Variants in AVPR1B observed in about 807,000 individuals in gnomAD.
The protein encoded by AVPR1B is vasopressin V1b receptor.
Under a neutral mutation model 27.5 loss-of-function variants are expected in AVPR1B, and 25 were observed. The ratio of observed to expected loss-of-function variants is 0.91; its 90% CI spans 0.66 to 1.27. The LOEUF (loss-of-function observed/expected upper bound fraction) is 1.27. Ranked by LOEUF, AVPR1B falls within the 50% of genes most tolerant of loss-of-function variation. The pLI is 0.00. For synonymous variants in AVPR1B, 248 were observed against 240.2 expected, an observed-to-expected ratio of 1.03 and a Z score of -0.30; for missense variants, 595 against 556.9, an observed-to-expected ratio of 1.07 and a Z score of -0.69.
intron 1 of AVPR1B, among the ~76,000 whole-genome samples, chr1:206,111,526 G>T (rs182761346): frequency 6.6e-6 from 1 of 152,342 alleles, no homozygotes; most frequent in East Asian, 1.9e-4. Context: ...AGGAACCTTA[G>T]AAGTAAGCTT....
In AVPR1B at chr1:206,115,935, C is replaced by T; in HGVS notation, c.940+16G>A. On this transcript the variant is annotated intron_variant, in intron 1 of 1. Transcript: ENST00000367126. ...TGTCTCTCCCACCTCACTGCCCCCA[C>T]ATAGACCCCACTTGCCTTCATCAGG... is the stretch of plus-strand genomic sequence containing the variant. 1 of 1,579,432 alleles carries T rather than the reference C, an allele frequency of 6.3e-7. No homozygotes were observed. The highest frequency in any genetic ancestry group is 8.6e-7 in the Non-Finnish European group (1 of 1,158,912).
In AVPR1B at chr1:206,110,462, G is replaced by A. The variant is rs1663356464; in HGVS notation, c.1002C>T (p.Asn334=). 3.1e-6 allele frequency: 5 copies of A among 1,613,938 alleles called. No individual in the cohort carries two copies. In the African/African-American group the frequency reaches 6.7e-5, roughly 22 times the overall value. ...TGTTGAAGCCCATGTAGATCCAGGG[G>A]TTGCAGCAGCTGTTGAGGTTGCCCA... The part of the protein sequence containing the change: ...MLLGNLNSCC[N]PWIYMGFNSH... Residue 334 remains asparagine, a synonymous_variant, in exon 2 of 2, where the codon AAC becomes AAT. Transcript: ENST00000367126.
chr1:206,106,965 G>A lies in AVPR1B; in HGVS notation c.*3224C>T, dbSNP rs1024172944. ...CTGGATATTAAATCTTTTTATTGGTGAATTTCAACCTGGGTTTCTGACCCA... is the reference window on the plus strand; with the variant it reads ...CTGGATATTAAATCTTTTTATTGGTAAATTTCAACCTGGGTTTCTGACCCA... On this transcript the variant is annotated 3_prime_UTR_variant, in exon 2 of 2. Coordinates refer to ENST00000367126, the MANE Select transcript of AVPR1B (RefSeq NM_000707.5). Among the ~76,000 whole-genome samples the A allele has an allele frequency of 6.6e-6, 1 of 152,224 alleles. No individual in the cohort carries two copies. Among genetic ancestry groups the A allele is most frequent in the Non-Finnish European group, 1.5e-5 (1 of 68,042 alleles).
In AVPR1B at chr1:206,110,278, T is replaced by A. The variant is rs537310937; in HGVS notation, c.1186A>T (p.Thr396Ser). Residue 396 changes from threonine (T) to serine (S), a missense_variant, in exon 2 of 2, where the codon ACC becomes TCC. Coordinates refer to ENST00000367126, the MANE Select transcript of AVPR1B (RefSeq NM_000707.5). ...PATLSLSLSL[T>S]LSGRPRPEES... ...TCAGGCCTGGGCCTCCCACTGAGGG[T>A]TAGGCTGAGGCTGAGGCTGAGGGTG... The A allele has an allele frequency of 6.2e-7, 1 of 1,613,914 alleles. No homozygotes were observed. The highest frequency in any genetic ancestry group is 8.5e-7 in the Non-Finnish European group (1 of 1,179,986).
In AVPR1B at chr1:206,109,715, A is replaced by AAC. The variant is rs1326621137; in HGVS notation, c.*472_*473dup. 2.5e-5 allele frequency: 4 copies of AAC among 160,704 alleles called. No individual in the cohort carries two copies. Among genetic ancestry groups the AAC allele is most frequent in the African/African-American group, 9.6e-5 (4 of 41,588 alleles). The allele number at this position is 160,704 out of a possible 1,614,324, so 10.0% of individuals were successfully genotyped here. A position where few individuals can be genotyped will look rare whatever the true frequency, so the allele number is the denominator to read the frequency against. The stretch of plus-strand genomic sequence containing the variant: ...TTTTCTCTCTAACAACAACAACAAC[A>AAC]ACAACAAATCCAGGATCCAAATAGA... On this transcript the variant is annotated 3_prime_UTR_variant, in exon 2 of 2. Transcript: ENST00000367126.
rs1663489490 is a variant in AVPR1B at position 206,116,870 on chromosome 1, C to G, written c.21G>C (p.Trp7Cys). Reference protein sequence around the residue: MDSGPLWDANPTPRGTL... With the variant: MDSGPLCDANPTPRGTL... ...TGCCCCGAGGGGTGGGGTTGGCATC[C>G]CACAGAGGCCCAGAATCCATGAGCA... is the stretch of plus-strand genomic sequence containing the variant. Residue 7 changes from tryptophan to cysteine, a missense_variant, in exon 1 of 2, where the codon TGG becomes TGC. Transcript: ENST00000367126. The G allele has an allele frequency of 6.2e-7, 1 of 1,611,830 alleles. No individual in the cohort carries two copies. Among genetic ancestry groups the G allele is most frequent in the South Asian group, 1.1e-5 (1 of 90,802 alleles).
In AVPR1B at chr1:206,116,178, C is replaced by A. The variant is rs41302231; in HGVS notation, c.713G>T (p.Arg238Leu). The A allele has an allele frequency of 1.4e-5, 23 of 1,613,884 alleles. No homozygotes were observed. The South Asian group carries it at 2.5e-4, about 18-fold the overall frequency. ...KNLKVKTQAWRVGGGGWRTWD... is the reference protein window; with the variant it reads ...KNLKVKTQAWLVGGGGWRTWD... ...AGTCCTCCAGCCCCCTCCTCCCACC[C>A]GCCAGGCCTGTGTCTTGACTTTTAG... is the stretch of plus-strand genomic sequence containing the variant. Residue 238 changes from arginine to leucine, a missense_variant, in exon 1 of 2, where the codon CGG becomes CTG. Transcript: ENST00000367126.
At chr1:206,115,408 T>C (rs1663446962) in intron 1 of AVPR1B, among the ~76,000 whole-genome samples, 1 of 152,222 alleles carries the variant, frequency 6.6e-6, no homozygotes, top group Non-Finnish European at 1.5e-5. Context: ...ACCAAGAACC[T>C]GGGACTTCAC....
intron 1 of AVPR1B, 113 bp downstream of exon 1, chr1:206,115,838 C>A (rs1272251280): frequency 9.6e-7 from 1 of 1,037,352 alleles, no homozygotes; most frequent in East Asian, 2.5e-5. Context: ...TCCTTCATTG[C>A]CCCACTAGTT....
chr1:206,111,730 T>C (rs1663379532), intron 1 of AVPR1B, among the ~76,000 whole-genome samples: 1 of 152,196 alleles, frequency 6.6e-6, no homozygotes, highest in South Asian at 2.1e-4. Flanking sequence ...TGCTCGTGGA[T>C]GTGGCAACTC....
intron 1 of AVPR1B, among the ~76,000 whole-genome samples, chr1:206,111,960 G>A (rs568072180): frequency 7.2e-5 from 11 of 152,334 alleles, no homozygotes; most frequent in Admixed American, 3.3e-4. Flanking sequence ...TTGGGAGGTC[G>A]AGGCAGATGG....
In AVPR1B at chr1:206,110,491, G is replaced by T. The variant is rs1553289686; in HGVS notation, c.973C>A (p.Leu325Ile). The change falls in exon 2 of 2, where the codon CTT becomes ATT. Residue 325 changes from leucine to isoleucine, a missense_variant. Physicochemically the swap from Leu to Ile is conservative, Grantham distance 5. Coordinates refer to ENST00000367126, the MANE Select transcript of AVPR1B (RefSeq NM_000707.5). ...CAGCAGCTGTTGAGGTTGCCCAAAAGCATAGAGATGGTGAAAGCCACATTG... is the reference window on the plus strand; with the variant it reads ...CAGCAGCTGTTGAGGTTGCCCAAAATCATAGAGATGGTGAAAGCCACATTG... ...STNVAFTISMLLGNLNSCCNP... is the reference protein window; with the variant it reads ...STNVAFTISMILGNLNSCCNP... The T allele has an allele frequency of 6.2e-7, 1 of 1,612,488 alleles. No homozygotes were observed.
chr1:206,115,665 A>T (rs1553290384), intron 1 of AVPR1B, among the ~76,000 whole-genome samples: 1 of 152,246 alleles, frequency 6.6e-6, no homozygotes, highest in Non-Finnish European at 1.5e-5. Context: ...TTGGTGGCCA[A>T]ATGTGCTAAT....
Position 206,109,396 on chromosome 1 carries a change from T to C in AVPR1B, c.*793A>G, listed in dbSNP as rs1397811128. Among the ~76,000 whole-genome samples, 1 of 152,072 alleles carries C rather than the reference T, an allele frequency of 6.6e-6. No individual in the cohort carries two copies. The highest frequency in any genetic ancestry group is 1.5e-5 in the Non-Finnish European group (1 of 67,988). ...CACAAGTCCCTGCTGCCCTTGAGGC[T>C]TATTCTTGCTGTTAATTTTATGATG... On this transcript the variant is annotated 3_prime_UTR_variant, in exon 2 of 2. Coordinates refer to ENST00000367126, the MANE Select transcript of AVPR1B (RefSeq NM_000707.5).
rs987617221 is a variant in AVPR1B at position 206,107,413 on chromosome 1, A to G, written c.*2776T>C. 5.3e-5 allele frequency among the ~76,000 whole-genome samples: 8 copies of G among 152,106 alleles called. No individual in the cohort carries two copies. The highest frequency in any genetic ancestry group is 1.3e-4 in the Admixed American group (2 of 15,276). On this transcript the variant is annotated 3_prime_UTR_variant, in exon 2 of 2. Transcript: ENST00000367126. ...GCCCTTCCACTGGCCCAGACTGTCCAGGCGAGCCTCCTACAGGTCCTGCAG... is the reference window on the plus strand; with the variant it reads ...GCCCTTCCACTGGCCCAGACTGTCCGGGCGAGCCTCCTACAGGTCCTGCAG...
At chr1:206,114,986 T>A (rs1553290289) in intron 1 of AVPR1B, among the ~76,000 whole-genome samples, 1 of 152,190 alleles carries the variant, frequency 6.6e-6, no homozygotes, top group Non-Finnish European at 1.5e-5. Flanking sequence ...GTTGGCTAGA[T>A]TCAGACCAAT....
rs1553289693 is a variant in AVPR1B at position 206,110,508 on chromosome 1, G to A, written c.956C>T (p.Ala319Val). The change falls in exon 2 of 2, where the codon GCT (alanine) becomes GTT (valine). Residue 319 changes from alanine to valine, a missense_variant. Coordinates refer to ENST00000367126, the MANE Select transcript of AVPR1B (RefSeq NM_000707.5). The stretch of plus-strand genomic sequence containing the variant: ...GCCCAAAAGCATAGAGATGGTGAAA[G>A]CCACATTGGTGGAATCTACCAAGAG... ...NAPDEDSTNV[A>V]FTISMLLGNL... is the part of the protein sequence containing the mutation. The A allele has an allele frequency of 2.5e-6, 4 of 1,608,722 alleles. No homozygotes were observed.
In AVPR1B at chr1:206,116,764, T is replaced by A. The variant is rs1404596369; in HGVS notation, c.127A>T (p.Thr43Ser). 6.2e-7 allele frequency: 1 copy of A among 1,613,012 alleles called. No homozygotes were observed. Among genetic ancestry groups the A allele is most frequent in the Non-Finnish European group, 8.5e-7 (1 of 1,179,564 alleles). ...CCCCCGGTCGCCAGCACCAGGACAG[T>A]GGCCAGGACTCCGATCTCCACCTTG... Reference protein sequence around the residue: ...LAKVEIGVLATVLVLATGGNL... With the variant: ...LAKVEIGVLASVLVLATGGNL... The change falls in exon 1 of 2, where the codon ACT becomes TCT. Residue 43 changes from threonine (T) to serine (S), a missense_variant. Transcript: ENST00000367126.
intron 1 of AVPR1B, among the ~76,000 whole-genome samples, chr1:206,112,433 T>C (rs150833295): frequency 3.2e-4 from 48 of 152,304 alleles, no homozygotes; most frequent in African/African-American, 1.0e-3. Flanking sequence ...TCTGCCATGA[T>C]TGGAAGCTTC....
Sources: allele counts gnomAD v4.1 joint callset (sites outside exome capture counted in the v4.1 genomes callset), GRCh38; gene constraint gnomAD v4.1.1; transcripts MANE v1.5; gene names NCBI Gene and HGNC (gene_info 2026-07-23, HGNC 2026-07-21).